Variants in DOCK7 observed in about 807,000 individuals in gnomAD.
DOCK7 encodes dedicator of cytokinesis protein 7.
Under a neutral mutation model 271.0 loss-of-function variants are expected in DOCK7, and 138 were observed. The observed-to-expected ratio is 0.51, with a 90% CI of 0.44 to 0.59. The LOEUF is 0.59. Among genes scored for constraint, DOCK7 ranks in the 20% least tolerant of loss-of-function variants. DOCK7 has a pLI of 0.00. For synonymous variants in DOCK7, 823 were observed against 876.1 expected (o/e 0.94, Z 1.07); for missense variants, 2,066 against 2,592.4 (o/e 0.80, Z 4.41).
At chr1:62,481,326 A>C (rs1646120283) in intron 43 of DOCK7, 1 of 152,210 alleles carries the variant, frequency 6.6e-6, no homozygotes, top group African/African-American at 2.4e-5. Flanking sequence ...TGCAGAATGG[A>C]GTGGAGGAGA....
Position 62,555,810 on chromosome 1 carries a change from A to T in DOCK7, c.2596+15T>A. ...ATTTATGAAAGACAGCTTCATAGTAAAAAGAATAAAATACCTGGTGATGAT... is the reference window on the plus strand; with the variant it reads ...ATTTATGAAAGACAGCTTCATAGTATAAAGAATAAAATACCTGGTGATGAT... On this transcript the variant is annotated intron_variant, in intron 21 of 49. Coordinates refer to ENST00000635253, the MANE Select transcript of DOCK7 (RefSeq NM_001367561.1). The T allele has an allele frequency of 6.3e-7, 1 of 1,599,440 alleles. No homozygotes were observed. The highest frequency in any genetic ancestry group is 8.5e-7 in the Non-Finnish European group (1 of 1,173,954).
intron 22 of DOCK7, among the ~76,000 whole-genome samples, chr1:62,550,541 C>T (rs1645862082): frequency 6.6e-6 from 1 of 151,924 alleles, no homozygotes; most frequent in Admixed American, 6.6e-5. Context: ...GTATAATTGC[C>T]CAATAGCATT....
At chr1:62,576,165 C>T (rs1646936230) in intron 18 of DOCK7, among the ~76,000 whole-genome samples, 1 of 152,110 alleles carries the variant, frequency 6.6e-6, no homozygotes, top group African/African-American at 2.4e-5. Context: ...AAAGTTCCTA[C>T]CCTCATAGTG....
chr1:62,535,588 A>G lies in DOCK7; in HGVS notation c.3516T>C (p.Asn1172=), dbSNP rs1478865760. Residue 1172 remains asparagine, a synonymous_variant, in exon 29 of 50, where the codon AAT becomes AAC. Transcript: ENST00000635253. ...GGAAAGGCACGGATAATTCAAACAT[A>G]TTTGCAATCTTTTGGTCTTGTACAT... ...STNVQDQKIA[N]MFELSVPFRQ... The G allele has an allele frequency of 6.2e-7, 1 of 1,613,972 alleles. No homozygotes were observed. Among genetic ancestry groups the G allele is most frequent in the Non-Finnish European group, 8.5e-7 (1 of 1,179,938 alleles).
chr1:62,472,818 C>G lies in DOCK7; in HGVS notation c.6212+1164G>C, dbSNP rs564441667. 3.3e-5 allele frequency among the ~76,000 whole-genome samples: 5 copies of G among 152,292 alleles called. No individual in the cohort carries two copies. In the East Asian group the frequency reaches 9.7e-4, roughly 29 times the overall value. On this transcript the variant is annotated intron_variant, in intron 48 of 49. Transcript: ENST00000635253. ...GAGAGTCTAGAATTTTGGTACATCT[C>G]AGAGAGAGAGTGCCTACATGACCAG...
At chr1:62,527,047 G>A (rs1443884838) in intron 31 of DOCK7, among the ~76,000 whole-genome samples, 1 of 151,994 alleles carries the variant, frequency 6.6e-6, no homozygotes, top group East Asian at 1.9e-4. Flanking sequence ...ACTCACAATA[G>A]GTGAATTTTT....
chr1:62,638,607 T>A (rs564078649), intron 7 of DOCK7, among the ~76,000 whole-genome samples: 2 of 147,972 alleles, frequency 1.4e-5, no homozygotes, highest in Non-Finnish European at 1.5e-5. Flanking sequence ...GAATATATAT[T>A]TTTTCATGAA....
At chr1:62,604,536 A>G (rs1650663200) in intron 14 of DOCK7, 6 of 1,282,294 alleles carry the variant, frequency 4.7e-6, no homozygotes, top group Admixed American at 3.7e-5. Flanking sequence ...AAACACTGTA[A>G]TATTTATAAG....
intron 22 of DOCK7, among the ~76,000 whole-genome samples, chr1:62,551,254 G>T (rs544658408): frequency 6.6e-6 from 1 of 151,588 alleles, no homozygotes; most frequent in South Asian, 2.1e-4. Flanking sequence ...GATTGCAGGG[G>T]TGTCCAATCT....
intron 27 of DOCK7, among the ~76,000 whole-genome samples, chr1:62,538,668 T>C (rs1055339362): frequency 1.3e-5 from 2 of 152,226 alleles, no homozygotes; most frequent in Admixed American, 6.5e-5. Flanking sequence ...TGCCCATGCA[T>C]AGTTTTAACT....
At chr1:62,586,956 G>A (rs923223981) in intron 14 of DOCK7, among the ~76,000 whole-genome samples, 6 of 151,784 alleles carry the variant, frequency 4.0e-5, no homozygotes, top group Non-Finnish European at 8.8e-5. Context: ...AGAGGCTTCT[G>A]GAATAAATGA....
rs146004829 is a variant in DOCK7, at chr1:62,683,806, T to C, written c.38+4421A>G. 9.4e-3 allele frequency among the ~76,000 whole-genome samples: 1,426 copies of C among 151,450 alleles called. 69 individuals carry two copies. The highest frequency in any genetic ancestry group is 0.078 in the Admixed American group (1,191 of 15,226). On this transcript the variant is annotated intron_variant, in intron 1 of 49. Coordinates refer to ENST00000635253, the MANE Select transcript of DOCK7 (RefSeq NM_001367561.1). ...AAAAATTAGCCAGGCACAGTGCCCA[T>C]AGTCCCAGCTACTTGGGAGGCTGAG...
intron 14 of DOCK7, among the ~76,000 whole-genome samples, chr1:62,614,719 G>A (rs1206628470): frequency 6.6e-6 from 1 of 151,814 alleles, no homozygotes; most frequent in Non-Finnish European, 1.5e-5. Context: ...CTAAGATATA[G>A]GTACTTTTAT....
At chr1:62,501,789 T>C (rs1557633892) in intron 37 of DOCK7, among the ~76,000 whole-genome samples, 1 of 152,114 alleles carries the variant, frequency 6.6e-6, no homozygotes, top group African/African-American at 2.4e-5. Flanking sequence ...TTTTACTTGA[T>C]GCAAGGTTAT....
At chr1:62,673,602 A>C (rs1295126969) in intron 1 of DOCK7, among the ~76,000 whole-genome samples, 2 of 152,204 alleles carry the variant, frequency 1.3e-5, no homozygotes, top group Non-Finnish European at 2.9e-5. Context: ...AAAGGATATA[A>C]ATTTATCTTA....
At chr1:62,557,066 T>C (rs1184701576) in intron 20 of DOCK7, among the ~76,000 whole-genome samples, 1 of 242 alleles carries the variant, frequency 4.1e-3, no homozygotes, top group Non-Finnish European at 0.5. Context: ...TTTTCTTTTC[T>C]TTTTTTTTTT....
chr1:62,537,771 G>A (rs966805222), intron 28 of DOCK7, 120 bp downstream of exon 28: 6 of 869,438 alleles, frequency 6.9e-6, no homozygotes, highest in Non-Finnish European at 8.6e-6. Flanking sequence ...TACTTACAAA[G>A]CACTAAGAAC....
At chr1:62,587,353 GCGTTTAGAGCCAATGAACAAGA>G (rs1647716491) in intron 14 of DOCK7, among the ~76,000 whole-genome samples, 1 of 145,356 alleles carries the variant, frequency 6.9e-6, no homozygotes, top group African/African-American at 2.5e-5. Context: ...CTGAAGACTA[GCGTTTAGAGCCAATGAACAAGA>G]CGTTTAGTAT....
intron 2 of DOCK7, among the ~76,000 whole-genome samples, chr1:62,659,082 AATAATAAAAGGTATCTGGAAAT>A (rs1341510630): frequency 7.9e-5 from 12 of 152,234 alleles, no homozygotes; most frequent in African/African-American, 2.9e-4. Context: ...ACCAAAAGGA[AATAATAAAAGGTATCTGGAAAT>A]ATAATAAAAG....
Sources: allele counts gnomAD v4.1 joint callset (sites outside exome capture counted in the v4.1 genomes callset), GRCh38; gene constraint gnomAD v4.1.1; transcripts MANE v1.5; gene names NCBI Gene and HGNC (gene_info 2026-07-23, HGNC 2026-07-21).